PDS5B: variants seen among roughly 807,000 people sequenced by gnomAD.
The protein encoded by PDS5B is PDS5 cohesin associated factor B.
PDS5B carries 51 observed loss-of-function variants against 184.1 expected under a neutral mutation model. The observed-to-expected ratio is 0.28, with a 90% confidence interval of 0.22 to 0.35. PDS5B has a LOEUF of 0.35. Ranked by LOEUF, PDS5B falls within the 10% of genes least tolerant of loss-of-function variation. The pLI, the probability that PDS5B is intolerant of heterozygous loss-of-function variation, is 1.00. For missense variants in PDS5B, 1,180 were observed against 1,723.3 expected, an observed-to-expected ratio of 0.68 and a Z score of 5.58; for synonymous variants, 566 against 569.2, an observed-to-expected ratio of 0.99 and a Z score of 0.08.
rs889564804 is a variant in PDS5B at position 32,712,265 on chromosome 13, A to G, written c.2123+2159A>G. 3.9e-5 allele frequency among the ~76,000 whole-genome samples: 6 copies of G among 152,364 alleles called. No individual in the cohort carries two copies. In the South Asian group the frequency reaches 6.2e-4, roughly 16 times the overall value. The stretch of plus-strand genomic sequence containing the variant: ...GCATTTTAAAATGTATTGCTTTAAT[A>G]TGGAACTGAAGTATTTAAAATATTT... On this transcript the variant is annotated intron_variant, in intron 19 of 34. Transcript: ENST00000315596.
rs76782957 is a variant in PDS5B, at chr13:32,594,415, A to G, written c.-20+7822A>G. On this transcript the variant is annotated intron_variant, in intron 1 of 34. Transcript: ENST00000315596. ...GAGATACAAAGATGAAAGATACTCA[A>G]TCAAGAGATGTATATTCAAGTGGGA... Among the ~76,000 whole-genome samples, 446 of 152,334 alleles carry G rather than the reference A, an allele frequency of 2.9e-3. 8 individuals carry two copies. The East Asian group carries it at 0.05, about 17-fold the overall frequency.
chr13:32,747,826 A>G (rs2140986495), intron 24 of PDS5B, among the ~76,000 whole-genome samples: 1 of 152,326 alleles, frequency 6.6e-6, no homozygotes, highest in Non-Finnish European at 1.5e-5. Flanking sequence ...ATTGAAGTGG[A>G]AATATTTAAA....
In PDS5B at chr13:32,589,192, AT is replaced by A. The variant is rs2057735856; in HGVS notation, c.-20+2602del. Reference sequence around the variant, plus strand: ...TTAGGTTCAGATTTTAATTTCATTGATTTATCTGAGGTCACAGTCATATTCA... The same window carrying A: ...TTAGGTTCAGATTTTAATTTCATTGATTATCTGAGGTCACAGTCATATTCA... On this transcript the variant is annotated intron_variant, in intron 1 of 34. Coordinates refer to ENST00000315596, the MANE Select transcript of PDS5B (RefSeq NM_015032.4). 2.0e-5 allele frequency among the ~76,000 whole-genome samples: 3 copies of A among 152,312 alleles called. No homozygotes were observed. In the South Asian group the frequency reaches 6.2e-4, roughly 32 times the overall value.
At chr13:32,739,651 A>G (rs1440536057) in intron 21 of PDS5B, among the ~76,000 whole-genome samples, 2 of 152,208 alleles carry the variant, frequency 1.3e-5, no homozygotes, top group African/African-American at 4.8e-5. Context: ...AAAGAGATAT[A>G]TTCACATATT....
chr13:32,621,952 A>G (rs2058308090), intron 1 of PDS5B, among the ~76,000 whole-genome samples: 2 of 152,064 alleles, frequency 1.3e-5, no homozygotes, highest in Non-Finnish European at 2.9e-5. Context: ...TTTATCTATC[A>G]TTCTTTCAAT....
At chr13:32,587,344 A>C (rs1221202957) in intron 1 of PDS5B, among the ~76,000 whole-genome samples, 1 of 152,144 alleles carries the variant, frequency 6.6e-6, no homozygotes, top group Non-Finnish European at 1.5e-5. Context: ...ACTGGCGTGG[A>C]GGGACTCCTC....
intron 1 of PDS5B, among the ~76,000 whole-genome samples, chr13:32,642,010 T>C (rs1157432493): frequency 2.6e-5 from 4 of 152,184 alleles, no homozygotes; most frequent in African/African-American, 9.7e-5. Context: ...AATATTTAAA[T>C]AAATGGCCTT....
At chr13:32,697,446 T>G (rs1951738812) in intron 15 of PDS5B, among the ~76,000 whole-genome samples, 1 of 152,198 alleles carries the variant, frequency 6.6e-6, no homozygotes, top group African/African-American at 2.4e-5. Context: ...GGAGGAATAC[T>G]TCTGCTGAAC....
chr13:32,690,231 ATG>A (rs1381024938), intron 13 of PDS5B: 1 of 152,230 alleles, frequency 6.6e-6, no homozygotes, highest in East Asian at 1.9e-4. Flanking sequence ...CTGCAGTACT[ATG>A]TGAGATTTCC....
intron 29 of PDS5B, among the ~76,000 whole-genome samples, chr13:32,760,248 C>A (rs9591314): frequency 0.37 from 56,809 of 151,760 alleles, 11,245 homozygotes; most frequent in Non-Finnish European, 0.45. Flanking sequence ...AGCCACTGCA[C>A]CCGGCCAAAA....
intron 6 of PDS5B, among the ~76,000 whole-genome samples, 196 bp from the exon 7 acceptor site, chr13:32,667,568 T>A (rs971129215): frequency 6.6e-6 from 1 of 152,164 alleles, no homozygotes; most frequent in African/African-American, 2.4e-5. Flanking sequence ...AATATAATTA[T>A]CCTTACGTGG....
At chr13:32,716,931 C>T (rs1952458584) in intron 19 of PDS5B, among the ~76,000 whole-genome samples, 1 of 97,948 alleles carries the variant, frequency 1.0e-5, no homozygotes, top group Non-Finnish European at 2.3e-5. Context: ...AGTGAGGAGC[C>T]CTTTTGCCCG....
At chr13:32,714,482 A>C (rs1348724898) in intron 19 of PDS5B, among the ~76,000 whole-genome samples, 1 of 152,182 alleles carries the variant, frequency 6.6e-6, no homozygotes, top group African/African-American at 2.4e-5. Context: ...TCTTCCTAAT[A>C]AGCCTAGGAG....
At position 32,734,458 on chromosome 13, in the gene PDS5B, G is replaced by C. The variant is rs143345767; in HGVS notation, c.2248-714G>C. ...AGAATAACAAAAAATCATTTTATTT[G>C]TTATGGTATTTAATATTTGGTGCTA... On this transcript the variant is annotated intron_variant, in intron 20 of 34. Coordinates refer to ENST00000315596, the MANE Select transcript of PDS5B (RefSeq NM_015032.4). Among the ~76,000 whole-genome samples the C allele has an allele frequency of 2.9e-3, 443 of 152,222 alleles. 2 individuals carry two copies. Among genetic ancestry groups the C allele is most frequent in the Middle Eastern group, 0.017 (5 of 294 alleles).
At chr13:32,651,451 G>T (rs1593338130) in intron 2 of PDS5B, among the ~76,000 whole-genome samples, 1 of 152,222 alleles carries the variant, frequency 6.6e-6, no homozygotes, top group Middle Eastern at 3.4e-3. Context: ...AAAAAAGATG[G>T]TATTCTTAAG....
chr13:32,604,493 T>C (rs1487605873), intron 1 of PDS5B, among the ~76,000 whole-genome samples: 6 of 152,184 alleles, frequency 3.9e-5, no homozygotes, highest in South Asian at 2.1e-4. Flanking sequence ...TTTAGAGGAT[T>C]TTTGCATCGA....
chr13:32,727,324 A>T (rs1386823919), intron 19 of PDS5B, among the ~76,000 whole-genome samples: 4 of 152,064 alleles, frequency 2.6e-5, no homozygotes, highest in African/African-American at 9.7e-5. Context: ...TATGTTCTTG[A>T]TATTTTTACT....
At chr13:32,758,459 C>G in intron 27 of PDS5B, 75 bp from the exon 28 acceptor site, 2 of 1,401,984 alleles carry the variant, frequency 1.4e-6, no homozygotes, top group South Asian at 1.3e-5. Flanking sequence ...GATTCATGTT[C>G]TGAAATTATT....
At chr13:32,748,942 A>G (rs1471006630) in intron 24 of PDS5B, among the ~76,000 whole-genome samples, 2 of 152,078 alleles carry the variant, frequency 1.3e-5, no homozygotes, top group Admixed American at 6.5e-5. Context: ...TGCTGTAATC[A>G]TCATTAGCTC....
Sources: allele counts gnomAD v4.1 joint callset (sites outside exome capture counted in the v4.1 genomes callset), GRCh38; gene constraint gnomAD v4.1.1; transcripts MANE v1.5; gene names NCBI Gene and HGNC (gene_info 2026-07-23, HGNC 2026-07-21).